SAMD8: variants seen among roughly 807,000 people sequenced by gnomAD.
The protein encoded by SAMD8 is sphingomyelin synthase-related protein 1.
In SAMD8, 20 loss-of-function variants were observed where a neutral mutation model predicts 42.0. That is an observed-to-expected ratio of 0.48 (90% CI 0.34 to 0.69). SAMD8 has a LOEUF of 0.69. Ranked by LOEUF, SAMD8 falls within the 30% of genes least tolerant of loss-of-function variation. The probability of loss-of-function intolerance (pLI) is 0.01; values close to 1 mark genes in which losing one functional copy is unlikely to be tolerated. For synonymous variants in SAMD8, 162 were observed against 173.0 expected, an observed-to-expected ratio of 0.94 and a Z score of 0.50; for missense variants, 328 against 511.6, an observed-to-expected ratio of 0.64 and a Z score of 3.46.
chr10:75,178,162 G>A lies in SAMD8; in HGVS notation c.*1470G>A, dbSNP rs1268260813. ...CCACCCCTGTATAAGCTACATAGGA[G>A]CCTGAATGAATTGGGTAGGAAAGGA... On this transcript the variant is annotated 3_prime_UTR_variant, in exon 6 of 6. Transcript: ENST00000542569. The A allele has an allele frequency of 6.6e-6, 1 of 152,164 alleles. No homozygotes were observed. Among genetic ancestry groups the A allele is most frequent in the African/African-American group, 2.4e-5 (1 of 41,442 alleles). 9.4% of individuals were successfully genotyped at this position (152,164 alleles called of 1,614,324 possible).
In SAMD8 at chr10:75,101,843, C is replaced by G. The variant is rs375855049; in HGVS notation, c.-16+2115C>G. On this transcript the variant is annotated intron_variant, in intron 1 of 3. Coordinates refer to the SAMD8 transcript ENST00000447533. The stretch of plus-strand genomic sequence containing the variant: ...TGCTCAGGGACCACATCCTACCCCC[C>G]CCAAATTAGGAGCACTCACCCACCT... The G allele has an allele frequency of 1.8e-4, 246 of 1,361,978 alleles. 1 individual carries two copies. The highest frequency in any genetic ancestry group is 1.2e-3 in the Admixed American group (64 of 52,562). 84.4% of individuals were successfully genotyped at this position (1,361,978 alleles called of 1,614,324 possible).
At chr10:75,101,725 C>T (rs534904114) in intron 1 of SAMD8, 18 of 452,348 alleles carry the variant, frequency 4.0e-5, no homozygotes, top group South Asian at 1.3e-4. Context: ...ACCTTGTCTG[C>T]GCCTTCATCT....
intron 1 of SAMD8, among the ~76,000 whole-genome samples, chr10:75,122,305 C>T (rs192535713): frequency 6.6e-6 from 1 of 152,120 alleles, no homozygotes; most frequent in Non-Finnish European, 1.5e-5. Flanking sequence ...AAAATTTTCT[C>T]AGTTTTTATT....
At position 75,105,552 on chromosome 10, in the gene SAMD8, A is replaced by G. The variant is rs921642991; in HGVS notation, c.-16+5824A>G. 11 of 1,119,616 alleles carry G rather than the reference A, an allele frequency of 9.8e-6. No individual in the cohort carries two copies. The African/African-American group carries it at 1.2e-4, about 13-fold the overall frequency. 69.4% of individuals were successfully genotyped at this position (1,119,616 alleles called of 1,614,324 possible). ...CTTTAATCCTCACTTCCAGCCACACACAGCCCTGCCAACCAATCCTGGAAG... is the reference window on the plus strand; with the variant it reads ...CTTTAATCCTCACTTCCAGCCACACGCAGCCCTGCCAACCAATCCTGGAAG... On this transcript the variant is annotated intron_variant, in intron 1 of 3. Transcript: ENST00000447533.
At chr10:75,149,468 C>T (rs2134478984) in intron 1 of SAMD8, among the ~76,000 whole-genome samples, 1 of 152,054 alleles carries the variant, frequency 6.6e-6, no homozygotes, top group Admixed American at 6.5e-5. Context: ...AATAAAATGC[C>T]CTATTCAGTT....
upstream of SAMD8, among the ~76,000 whole-genome samples, chr10:75,107,071 C>T (rs571431728): frequency 2.0e-5 from 3 of 152,270 alleles, no homozygotes; most frequent in East Asian, 5.8e-4. Flanking sequence ...TGCGGTGGCT[C>T]ATGCCTATAA....
chr10:75,144,397 C>T (rs1840089453), intron 1 of SAMD8, among the ~76,000 whole-genome samples: 1 of 149,688 alleles, frequency 6.7e-6, no homozygotes, highest in South Asian at 2.1e-4. Context: ...TAAAAAATGA[C>T]TCATTCTCCC....
At chr10:75,146,509 C>T (rs1840139397) in intron 1 of SAMD8, among the ~76,000 whole-genome samples, 1 of 152,024 alleles carries the variant, frequency 6.6e-6, no homozygotes, top group East Asian at 1.9e-4. Context: ...TGTTCTCAAA[C>T]TCCCAACCTC....
upstream of SAMD8, chr10:75,108,418 G>T: frequency 1.2e-6 from 1 of 863,288 alleles, no homozygotes; most frequent in Non-Finnish European, 1.7e-6. Context: ...TGTGTCGGGG[G>T]ATCTTTAGAC....
rs1055489140 is a variant in SAMD8, at chr10:75,181,989, T to G, written c.*5297T>G. The G allele has an allele frequency of 2.6e-5, 4 of 152,216 alleles. No individual in the cohort carries two copies. The highest frequency in any genetic ancestry group is 5.9e-5 in the Non-Finnish European group (4 of 68,036). 9.4% of individuals were successfully genotyped at this position (152,216 alleles called of 1,614,324 possible). ...GAAAGTTCCTGTGGTAGCCATACCTTGAAGCACAGTGTTTGTACATAAGTA... is the reference window on the plus strand; with the variant it reads ...GAAAGTTCCTGTGGTAGCCATACCTGGAAGCACAGTGTTTGTACATAAGTA... On this transcript the variant is annotated 3_prime_UTR_variant, in exon 6 of 6. Coordinates refer to ENST00000542569, the MANE Select transcript of SAMD8 (RefSeq NM_001174156.2).
At chr10:75,169,689 G>A (rs923717818) in intron 4 of SAMD8, among the ~76,000 whole-genome samples, 1 of 152,288 alleles carries the variant, frequency 6.6e-6, no homozygotes, top group Non-Finnish European at 1.5e-5. Flanking sequence ...CAAGGCGGGT[G>A]GATCACCTGA....
chr10:75,164,594 A>G (rs1283169689), intron 2 of SAMD8, 51 bp from the exon 3 acceptor site: 1 of 1,583,794 alleles, frequency 6.3e-7, no homozygotes, highest in East Asian at 2.2e-5. Context: ...AAAGGGTGGC[A>G]TCATTCACAT....
chr10:75,126,499 C>CTTTTTT (rs779589994), intron 1 of SAMD8, among the ~76,000 whole-genome samples: 27 of 115,522 alleles, frequency 2.3e-4, no homozygotes, highest in Non-Finnish European at 3.3e-4. Context: ...AGTGCTTTTG[C>CTTTTTT]TTTTTTTTTT....
In SAMD8 at chr10:75,181,719, A is replaced by G. The variant is rs983861625; in HGVS notation, c.*5027A>G. ...AACTGGGTTGTCTGGAGAATTGAAC[A>G]TAGCCAAGCAATATTATCAATTAGT... On this transcript the variant is annotated 3_prime_UTR_variant, in exon 6 of 6. Coordinates refer to ENST00000542569, the MANE Select transcript of SAMD8 (RefSeq NM_001174156.2). 1.3e-5 allele frequency: 2 copies of G among 152,376 alleles called. No individual in the cohort carries two copies. Among genetic ancestry groups the G allele is most frequent in the East Asian group, 1.9e-4 (1 of 5,188 alleles). The allele number at this position is 152,376 out of a possible 1,614,324, so 9.4% of individuals were successfully genotyped here.
intron 1 of SAMD8, among the ~76,000 whole-genome samples, chr10:75,148,085 C>T (rs1348329551): frequency 6.6e-6 from 1 of 152,030 alleles, no homozygotes; most frequent in Non-Finnish European, 1.5e-5. Context: ...AATATAAGTT[C>T]TTTTGTGAAA....
intron 1 of SAMD8, among the ~76,000 whole-genome samples, chr10:75,117,234 G>GCAA (rs1318415057): frequency 6.8e-6 from 1 of 147,302 alleles, no homozygotes; most frequent in Non-Finnish European, 1.5e-5. Context: ...ACCAGCCTGA[G>GCAA]CAACATAGTG....
At chr10:75,169,695 C>T (rs1056085416) in intron 4 of SAMD8, among the ~76,000 whole-genome samples, 2 of 152,044 alleles carry the variant, frequency 1.3e-5, no homozygotes, top group African/African-American at 4.8e-5. Context: ...GGGTGGATCA[C>T]CTGAGGTCAG....
At chr10:75,099,656 G>T in exon 1 of SAMD8, 1 of 748,696 alleles carries the variant, frequency 1.3e-6, no homozygotes, top group Non-Finnish European at 1.8e-6. Context: ...CCTCCTCTCT[G>T]CTTGGTATCT....
chr10:75,141,541 T>TC (rs1267715498), intron 1 of SAMD8, among the ~76,000 whole-genome samples: 3 of 149,820 alleles, frequency 2.0e-5, no homozygotes, highest in African/African-American at 7.3e-5. Flanking sequence ...CCTTTTACTT[T>TC]TTTTTTTTTT....
Sources: allele counts gnomAD v4.1 joint callset (sites outside exome capture counted in the v4.1 genomes callset), GRCh38; gene constraint gnomAD v4.1.1; transcripts MANE v1.5; gene names NCBI Gene and HGNC (gene_info 2026-07-23, HGNC 2026-07-21).